The following CTPS1 variants were observed in gnomAD, a reference collection of about 807,000 sequenced individuals.
CTPS1 encodes the protein CTP synthetase 1.
Under a neutral mutation model 80.5 loss-of-function variants are expected in CTPS1, and 25 were observed. That is an observed-to-expected ratio of 0.31 (90% confidence interval 0.23 to 0.43). The LOEUF is 0.43. CTPS1 is among the 20% of genes least tolerant of loss of function. The pLI is 1.00. For missense variants in CTPS1, 442 were observed against 725.7 expected (o/e 0.61, Z 4.49); for synonymous variants, 267 against 252.5 (o/e 1.06, Z -0.54).
intron 9 of CTPS1, among the ~76,000 whole-genome samples, chr1:40,999,741 A>G (rs1642855127): frequency 6.6e-6 from 1 of 152,252 alleles, no homozygotes; most frequent in African/African-American, 2.4e-5. Context: ...ATTCAAATGG[A>G]CAAATTATTC....
chr1:40,986,875 G>C (rs1297025845), intron 3 of CTPS1, among the ~76,000 whole-genome samples: 2 of 152,188 alleles, frequency 1.3e-5, no homozygotes, highest in Non-Finnish European at 2.9e-5. Context: ...ACTAAGGTTT[G>C]AATCCAGACA....
intron 17 of CTPS1, 125 bp from the exon 18 acceptor site, chr1:41,010,036 C>G: frequency 1.6e-6 from 1 of 631,300 alleles, no homozygotes; most frequent in Non-Finnish European, 2.9e-6. Flanking sequence ...TATTATGTAG[C>G]AAACAGTCTT....
intron 1 of CTPS1, among the ~76,000 whole-genome samples, chr1:40,982,337 G>A (rs973653078): frequency 6.6e-6 from 1 of 151,982 alleles, no homozygotes; most frequent in African/African-American, 2.4e-5. Context: ...TTCATTGCAT[G>A]CCTGGGAGAG....
chr1:41,006,579 C>T (rs529638292), intron 13 of CTPS1, among the ~76,000 whole-genome samples: 2 of 152,244 alleles, frequency 1.3e-5, no homozygotes, highest in Non-Finnish European at 2.9e-5. Context: ...GCGTACCTTG[C>T]GTTAGATTTC....
intron 13 of CTPS1, 116 bp downstream of exon 13, chr1:41,006,210 C>G: frequency 2.3e-6 from 2 of 888,530 alleles, no homozygotes; most frequent in East Asian, 2.5e-5. Context: ...CCCAAAGAAC[C>G]CTGAGGTTTT....
chr1:40,984,729 C>T, intron 2 of CTPS1, 92 bp from the exon 3 acceptor site: 1 of 1,019,948 alleles, frequency 9.8e-7, no homozygotes, highest in Middle Eastern at 2.3e-4. Flanking sequence ...TAATTGCACA[C>T]CTTGTTAATG....
intron 5 of CTPS1, among the ~76,000 whole-genome samples, chr1:40,989,886 A>G (rs1642557211): frequency 6.6e-6 from 1 of 152,234 alleles, no homozygotes; most frequent in African/African-American, 2.4e-5. Flanking sequence ...AGTTGAGGAA[A>G]TACCCAAGGA....
chr1:40,985,403 T>C (rs967448295), intron 3 of CTPS1, among the ~76,000 whole-genome samples: 2 of 152,366 alleles, frequency 1.3e-5, no homozygotes, highest in South Asian at 4.1e-4. Flanking sequence ...CTATTGTGTA[T>C]ACTGGTTTCC....
intron 9 of CTPS1, among the ~76,000 whole-genome samples, chr1:40,999,616 C>T (rs1466130384): frequency 6.6e-6 from 1 of 152,138 alleles, no homozygotes; most frequent in Non-Finnish European, 1.5e-5. Flanking sequence ...AATGGCACCA[C>T]CACACTAGAA....
chr1:41,010,164 C>G lies in CTPS1; in HGVS notation c.1695C>G (p.Asp565Glu). ...GTAAACCATCTGAATTCTACAGGGA[C>G]ACCTATAGTGACAGGAGTGGAAGCA... ...LQKGCRLSPR[D>E]TYSDRSGSSS... The change falls in exon 18 of 19, where the codon GAC becomes GAG. Residue 565 changes from aspartate to glutamate, a missense_variant. Asp to Glu is a conservative substitution (Grantham distance 45). Coordinates refer to ENST00000650070, the MANE Select transcript of CTPS1 (RefSeq NM_001905.4). 6 of 1,611,686 alleles carry G rather than the reference C, an allele frequency of 3.7e-6. No homozygotes were observed. The highest frequency in any genetic ancestry group is 5.1e-6 in the Non-Finnish European group (6 of 1,177,910).
rs760367234 is a variant in CTPS1 at position 40,987,468 on chromosome 1, T to C, written c.434T>C (p.Ile145Thr). Residue 145 changes from isoleucine (I) to threonine (T), a missense_variant, in exon 4 of 19, where the codon ATT becomes ACT. Transcript: ENST00000650070. ...GGCCTGGAACCTCAAGTGTGTGTTA[T>C]TGAGGTTTGTATGATTCCTGCACAT... ...EDGLEPQVCV[I>T]ELGGTVGDIE... 1.2e-6 allele frequency: 2 copies of C among 1,607,506 alleles called. No homozygotes were observed. The highest frequency in any genetic ancestry group is 1.7e-6 in the Non-Finnish European group (2 of 1,174,280).
intron 1 of CTPS1, among the ~76,000 whole-genome samples, chr1:40,981,649 A>G (rs577897752): frequency 6.6e-6 from 1 of 152,322 alleles, no homozygotes; most frequent in East Asian, 1.9e-4. Flanking sequence ...TTTACTTGCT[A>G]AACACTCCCA....
At chr1:41,000,869 T>C (rs1471446329) in intron 9 of CTPS1, 160 bp from the exon 10 acceptor site, 2 of 389,102 alleles carry the variant, frequency 5.1e-6, no homozygotes, top group Non-Finnish European at 9.2e-6. Context: ...AGTTATTAAA[T>C]ATATTAAGTT....
At chr1:40,983,502 T>C (rs1430737510) in intron 2 of CTPS1, 46 bp downstream of exon 2, 1 of 1,498,530 alleles carries the variant, frequency 6.7e-7, no homozygotes, top group East Asian at 2.3e-5. Context: ...TGGCAGAACA[T>C]GTCAGCACTT....
At chr1:40,981,892 T>A in intron 1 of CTPS1, 1 of 945,906 alleles carries the variant, frequency 1.1e-6, no homozygotes, top group Non-Finnish European at 1.4e-6. Flanking sequence ...GGGGAATGCT[T>A]CGAGCACAAC....
chr1:41,000,125 G>A (rs765700309), intron 9 of CTPS1, among the ~76,000 whole-genome samples: 2 of 152,250 alleles, frequency 1.3e-5, no homozygotes, highest in Admixed American at 6.5e-5. Flanking sequence ...TGTTCTATAA[G>A]AGGCAAAACG....
intron 5 of CTPS1, among the ~76,000 whole-genome samples, chr1:40,990,900 C>T (rs966538497): frequency 7.9e-5 from 12 of 152,240 alleles, no homozygotes; most frequent in Admixed American, 5.2e-4. Context: ...AGCACACCAG[C>T]AAGATCAGTT....
In CTPS1 at chr1:41,002,155, T is replaced by G. The variant is rs373984935; in HGVS notation, c.1095-5T>G. On this transcript the variant is annotated splice_polypyrimidine_tract_variant and splice_region_variant and intron_variant, in intron 10 of 18. Transcript: ENST00000650070. ...ATTGCCTTTGTGGTTTGTTCTTTTG[T>G]GCAGTGGAGTGCTGGTTCCAGGAGG... The G allele has an allele frequency of 4.0e-5, 65 of 1,613,864 alleles. No individual in the cohort carries two copies. The highest frequency in any genetic ancestry group is 5.4e-5 in the Non-Finnish European group (64 of 1,179,842).
At chr1:40,990,719 T>C (rs1642584321) in intron 5 of CTPS1, among the ~76,000 whole-genome samples, 1 of 152,116 alleles carries the variant, frequency 6.6e-6, no homozygotes, top group Non-Finnish European at 1.5e-5. Context: ...TAAAGATGAT[T>C]TAGTACAGAA....
Sources: allele counts gnomAD v4.1 joint callset (sites outside exome capture counted in the v4.1 genomes callset), GRCh38; gene constraint gnomAD v4.1.1; transcripts MANE v1.5; gene names NCBI Gene and HGNC (gene_info 2026-07-23, HGNC 2026-07-21).